HOXD12: variants seen among roughly 807,000 people sequenced by gnomAD.
HOXD12 encodes homeobox D12.
HOXD12 carries 21 observed loss-of-function variants against 20.2 expected under a neutral mutation model. The ratio of observed to expected loss-of-function variants is 1.04; its 90% CI spans 0.74 to 1.50. The LOEUF is 1.50. HOXD12 is among the 40% of genes most tolerant of loss of function. The probability of loss-of-function intolerance (pLI) is 0.00; values close to 1 mark genes in which losing one functional copy is unlikely to be tolerated. For synonymous variants in HOXD12, 196 were observed against 168.8 expected (o/e 1.16, Z -1.25); for missense variants, 472 against 365.5 (o/e 1.29, Z -2.38).
In HOXD12 at chr2:176,100,725, G is replaced by T. The variant is rs748239619; in HGVS notation, c.778G>T (p.Val260Leu). ...GAACAGGCGTATGAAGAAGAAGCGC[G>T]TGGTGCTTCGGGAGCAGGCGCTGGC... ...FQNRRMKKKRVVLREQALALY is the reference protein window; with the variant it reads ...FQNRRMKKKRLVLREQALALY Residue 260 changes from valine to leucine, a missense_variant, in exon 2 of 2, where the codon GTG becomes TTG. Val to Leu is a conservative substitution (Grantham distance 32, BLOSUM62 1). Transcript: ENST00000406506. 51 of 1,613,714 alleles carry T rather than the reference G, an allele frequency of 3.2e-5. No homozygotes were observed. The highest frequency in any genetic ancestry group is 8.5e-6 in the Non-Finnish European group (10 of 1,179,774).
chr2:176,100,708 G>C lies in HOXD12; in HGVS notation c.761G>C (p.Arg254Pro). 6.2e-7 allele frequency: 1 copy of C among 1,613,990 alleles called. No homozygotes were observed. The highest frequency in any genetic ancestry group is 1.3e-5 in the African/African-American group (1 of 75,080). ...GTCAAAATCTGGTTCCAGAACAGGCGTATGAAGAAGAAGCGCGTGGTGCTT... is the reference window on the plus strand; with the variant it reads ...GTCAAAATCTGGTTCCAGAACAGGCCTATGAAGAAGAAGCGCGTGGTGCTT... The part of the protein sequence containing the change: ...QQVKIWFQNR[R>P]MKKKRVVLRE... Residue 254 changes from arginine to proline, a missense_variant, in exon 2 of 2, where the codon CGT (arginine) becomes CCT (proline). Coordinates refer to ENST00000406506, the MANE Select transcript of HOXD12 (RefSeq NM_021193.4).
Position 176,099,885 on chromosome 2 carries a change from C to T in HOXD12, c.84C>T (p.Asn28=). 9 of 1,594,642 alleles carry T rather than the reference C, an allele frequency of 5.6e-6. No homozygotes were observed. Among genetic ancestry groups the T allele is most frequent in the South Asian group, 1.1e-5 (1 of 88,724 alleles). ...CGCCAGACTCTTTCTACTTCTCCAACCTGAGGCCGAATGGCGGCCAGTTGG... is the reference window on the plus strand; with the variant it reads ...CGCCAGACTCTTTCTACTTCTCCAATCTGAGGCCGAATGGCGGCCAGTTGG... ...LQSPDSFYFS[N]LRPNGGQLAA... Residue 28 remains asparagine, a synonymous_variant, in exon 1 of 2, where the codon AAC becomes AAT. Coordinates refer to ENST00000406506, the MANE Select transcript of HOXD12 (RefSeq NM_021193.4).
rs75185313 is a variant in HOXD12 at position 176,101,665 on chromosome 2, G to T, written c.*905G>T. Reference sequence around the variant, plus strand: ...TCTGCTTTGAAGCTCTGTTGCACAGGGAGAGGGAAAAATATCCAGGGGAGG... The same window carrying T: ...TCTGCTTTGAAGCTCTGTTGCACAGTGAGAGGGAAAAATATCCAGGGGAGG... On this transcript the variant is annotated 3_prime_UTR_variant, in exon 2 of 2. Transcript: ENST00000406506. Among the ~76,000 whole-genome samples the T allele has an allele frequency of 7.8e-3, 1,188 of 152,302 alleles. 16 individuals carry two copies. The highest frequency in any genetic ancestry group is 0.027 in the African/African-American group (1,108 of 41,556).
Position 176,099,929 on chromosome 2 carries a change from C to T in HOXD12, c.128C>T (p.Ser43Phe), listed in dbSNP as rs1373817873. Reference sequence around the variant, plus strand: ...CAGTTGGCCGCGCTTCCCCCTATCTCCTACCCGCGCGGCGCGCTGCCCTGG... The same window carrying T: ...CAGTTGGCCGCGCTTCCCCCTATCTTCTACCCGCGCGGCGCGCTGCCCTGG... ...GGQLAALPPISYPRGALPWAA... is the reference protein window; with the variant it reads ...GGQLAALPPIFYPRGALPWAA... Residue 43 changes from serine to phenylalanine, a missense_variant, in exon 1 of 2, where the codon TCC becomes TTC. Physicochemically the swap from Ser to Phe is radical, Grantham distance 155 (BLOSUM62 -2). Coordinates refer to ENST00000406506, the MANE Select transcript of HOXD12 (RefSeq NM_021193.4). 6.3e-7 allele frequency: 1 copy of T among 1,594,236 alleles called. No homozygotes were observed. Among genetic ancestry groups the T allele is most frequent in the Non-Finnish European group, 8.5e-7 (1 of 1,173,186 alleles).
rs756044524 is a variant in HOXD12, at chr2:176,100,690, T to C, written c.743T>C (p.Ile248Thr). The C allele has an allele frequency of 8.7e-6, 14 of 1,614,014 alleles. No individual in the cohort carries two copies. Among genetic ancestry groups the C allele is most frequent in the Non-Finnish European group, 1.2e-5 (14 of 1,179,882 alleles). The change falls in exon 2 of 2, where the codon ATC (isoleucine) becomes ACC (threonine). Residue 248 changes from isoleucine (I) to threonine (T), a missense_variant. Coordinates refer to ENST00000406506, the MANE Select transcript of HOXD12 (RefSeq NM_021193.4). ...RLNLSDQQVKIWFQNRRMKKK... is the reference protein window; with the variant it reads ...RLNLSDQQVKTWFQNRRMKKK... The stretch of plus-strand genomic sequence containing the variant: ...AACCTCAGCGACCAGCAAGTCAAAA[T>C]CTGGTTCCAGAACAGGCGTATGAAG...
rs963124517 is a variant in HOXD12, at chr2:176,100,052, G to A, written c.251G>A (p.Gly84Asp). 5.7e-6 allele frequency: 9 copies of A among 1,583,988 alleles called. No homozygotes were observed. The highest frequency in any genetic ancestry group is 1.1e-5 in the South Asian group (1 of 87,114). The change falls in exon 1 of 2, where the codon GGC becomes GAC. Residue 84 changes from glycine to aspartate, a missense_variant. By Grantham distance (94) the Gly-to-Asp change is moderately conservative (BLOSUM62 -1). Coordinates refer to ENST00000406506, the MANE Select transcript of HOXD12 (RefSeq NM_021193.4). ...QPYLAGSGPL[G>D]LQPPTAKDGP... The stretch of plus-strand genomic sequence containing the variant: ...TACCTGGCTGGCTCCGGGCCTCTCG[G>A]CCTGCAGCCCCCAACAGCCAAAGAC...
At chr2:176,100,495 T>C in intron 1 of HOXD12, 27 bp from the exon 2 acceptor site, 2 of 1,589,978 alleles carry the variant, frequency 1.3e-6, no homozygotes, top group South Asian at 1.1e-5. Flanking sequence ...ACGGGCTGGG[T>C]TGACGTGGGT....
rs1004629278 is a variant in HOXD12 at position 176,100,975 on chromosome 2, A to C, written c.*215A>C. On this transcript the variant is annotated 3_prime_UTR_variant, in exon 2 of 2. Coordinates refer to ENST00000406506, the MANE Select transcript of HOXD12 (RefSeq NM_021193.4). ...GAGAAACGTGCGGAAGTACCAGTGC[A>C]ACTCTGGCTGGCCTTAAGGCTTCCA... 4.9e-5 allele frequency: 29 copies of C among 595,564 alleles called. No individual in the cohort carries two copies. The highest frequency in any genetic ancestry group is 8.0e-5 in the Non-Finnish European group (27 of 335,758). The allele number at this position is 595,564 out of a possible 1,614,324, so 36.9% of individuals were successfully genotyped here. A position where few individuals can be genotyped will look rare whatever the true frequency, so the allele number is the denominator to read the frequency against.
chr2:176,100,131 G>A lies in HOXD12; in HGVS notation c.330G>A (p.Glu110=), dbSNP rs1451149656. Residue 110 remains glutamate, a synonymous_variant, in exon 1 of 2, where the codon GAG becomes GAA. Transcript: ENST00000406506. ...FYAPEAAAGP[E]ERGRTRPSFA... ...CGCCCGAAGCGGCCGCTGGGCCAGA[G>A]GAGCGCGGTCGTACCCGGCCGTCCT... The A allele has an allele frequency of 2.5e-6, 4 of 1,610,776 alleles. No homozygotes were observed. Among genetic ancestry groups the A allele is most frequent in the East Asian group, 2.2e-5 (1 of 44,848 alleles).
rs201890634 is a variant in HOXD12, at chr2:176,100,609, T to A, written c.662T>A (p.Phe221Tyr). ...KQQIAELENEFLVNEFINRQK... is the reference protein window; with the variant it reads ...KQQIAELENEYLVNEFINRQK... ...CAGATTGCGGAGTTGGAGAACGAAT[T>A]CCTCGTCAACGAATTCATCAACAGG... Residue 221 changes from phenylalanine to tyrosine, a missense_variant, in exon 2 of 2, where the codon TTC (phenylalanine) becomes TAC (tyrosine). By Grantham distance (22) the Phe-to-Tyr change is conservative. Coordinates refer to ENST00000406506, the MANE Select transcript of HOXD12 (RefSeq NM_021193.4). 577 of 1,613,386 alleles carry A rather than the reference T, an allele frequency of 3.6e-4. No homozygotes were observed. The highest frequency in any genetic ancestry group is 1.5e-3 in the African/African-American group (110 of 75,054).
In HOXD12 at chr2:176,100,200, A is replaced by C; in HGVS notation, c.399A>C (p.Lys133Asn). The C allele has an allele frequency of 6.2e-7, 1 of 1,612,226 alleles. No homozygotes were observed. The highest frequency in any genetic ancestry group is 8.5e-7 in the Non-Finnish European group (1 of 1,179,766). ...SSLAPAVAALKAAKYDYAGVG... is the reference protein window; with the variant it reads ...SSLAPAVAALNAAKYDYAGVG... ...TGGCTCCTGCAGTGGCTGCTCTCAAAGCGGCCAAGTATGACTACGCTGGTG... is the reference window on the plus strand; with the variant it reads ...TGGCTCCTGCAGTGGCTGCTCTCAACGCGGCCAAGTATGACTACGCTGGTG... The change falls in exon 1 of 2, where the codon AAA becomes AAC. Residue 133 changes from lysine (K) to asparagine (N), a missense_variant. By Grantham distance (94) the Lys-to-Asn change is moderately conservative. Transcript: ENST00000406506.
In HOXD12 at chr2:176,102,049, A is replaced by C. The variant is rs1559111735; in HGVS notation, c.*1289A>C. Reference sequence around the variant, plus strand: ...CCTGCCAGGCTTGCCTCATGGAGGCAGGGGTTCCCAAATGCCAGGTGGAGT... The same window carrying C: ...CCTGCCAGGCTTGCCTCATGGAGGCCGGGGTTCCCAAATGCCAGGTGGAGT... On this transcript the variant is annotated 3_prime_UTR_variant, in exon 2 of 2. Coordinates refer to ENST00000406506, the MANE Select transcript of HOXD12 (RefSeq NM_021193.4). Among the ~76,000 whole-genome samples the C allele has an allele frequency of 6.6e-6, 1 of 152,210 alleles. No homozygotes were observed. The highest frequency in any genetic ancestry group is 2.4e-5 in the African/African-American group (1 of 41,456).
In HOXD12 at chr2:176,101,057, G is replaced by C. The variant is rs1263720502; in HGVS notation, c.*297G>C. On this transcript the variant is annotated 3_prime_UTR_variant, in exon 2 of 2. Coordinates refer to ENST00000406506, the MANE Select transcript of HOXD12 (RefSeq NM_021193.4). ...CCTGGCTGGGGCATTTGCACCCACC[G>C]CTCATTCTTGCTCCCCGGTACCTGG... is the stretch of plus-strand genomic sequence containing the variant. The C allele has an allele frequency of 1.6e-5, 8 of 490,784 alleles. No homozygotes were observed. Among genetic ancestry groups the C allele is most frequent in the Non-Finnish European group, 2.9e-5 (8 of 276,304 alleles). The allele number at this position is 490,784 out of a possible 1,614,324, so 30.4% of individuals were successfully genotyped here.
rs1344619575 is a variant in HOXD12, at chr2:176,100,539, GC to G, written c.596del (p.Pro199ArgfsTer41). On this transcript the variant is annotated frameshift_variant, in exon 2 of 2. Transcript: ENST00000406506. LOFTEE classifies it high-confidence loss of function. ...TGTTGCAGGCCTGCCGTGGGGGGCGGCCCCGGGGAGGGCCCGCAAGAAGCGG... is the reference window on the plus strand; with the variant it reads ...TGTTGCAGGCCTGCCGTGGGGGGCGGCCCGGGGAGGGCCCGCAAGAAGCGG... The part of the protein sequence containing the change: ...SLPDGLPWGA[A>X]PGRARKKRKP... 2 of 1,606,776 alleles carry G rather than the reference GC, an allele frequency of 1.2e-6. No individual in the cohort carries two copies. Among genetic ancestry groups the G allele is most frequent in the Admixed American group, 1.7e-5 (1 of 58,830 alleles).
Position 176,100,741 on chromosome 2 carries a change from AG to A in HOXD12, c.796del (p.Ala266ArgfsTer83). ...AAGAAGCGCGTGGTGCTTCGGGAGC[AG>A]GCGCTGGCGCTCTACTAGCCGCGCG... ...MKKKRVVLRE[Q>X]ALALY is the part of the protein sequence containing the mutation. On this transcript the variant is annotated frameshift_variant, in exon 2 of 2. Transcript: ENST00000406506. LOFTEE classifies it high-confidence loss of function. 6.2e-7 allele frequency: 1 copy of A among 1,613,490 alleles called. No homozygotes were observed. The highest frequency in any genetic ancestry group is 8.5e-7 in the Non-Finnish European group (1 of 1,179,612).
intron 1 of HOXD12, 63 bp from the exon 2 acceptor site, chr2:176,100,459 G>T (rs754955542): frequency 7.2e-5 from 115 of 1,589,838 alleles, no homozygotes; most frequent in Non-Finnish European, 9.8e-5. Context: ...GAGGTGAACC[G>T]CCTGGGGGCG....
chr2:176,100,014 C>T lies in HOXD12; in HGVS notation c.213C>T (p.Gly71=). 6.4e-7 allele frequency: 1 copy of T among 1,562,356 alleles called. No individual in the cohort carries two copies. The highest frequency in any genetic ancestry group is 8.7e-7 in the Non-Finnish European group (1 of 1,153,404). ...CTGCGGGCGCCACTGCCTTCGGCGG[C>T]TTCTCGCAGCCCTACCTGGCTGGCT... ...AQPAGATAFG[G]FSQPYLAGSG... The change falls in exon 1 of 2, where the codon GGC becomes GGT. Residue 71 remains glycine, a synonymous_variant. Coordinates refer to ENST00000406506, the MANE Select transcript of HOXD12 (RefSeq NM_021193.4).
chr2:176,100,326 A>T lies in HOXD12; in HGVS notation c.525A>T (p.Thr175=). ...DTKGPLNLNM[T]VQAAGVASCL... ...AGGGCCCGCTCAACTTGAACATGACAGTGCAGGCGGCGGGCGTTGCCTCTT... is the reference window on the plus strand; with the variant it reads ...AGGGCCCGCTCAACTTGAACATGACTGTGCAGGCGGCGGGCGTTGCCTCTT... Residue 175 remains threonine (T), a synonymous_variant, in exon 1 of 2, where the codon ACA becomes ACT. Coordinates refer to ENST00000406506, the MANE Select transcript of HOXD12 (RefSeq NM_021193.4). 1 of 1,612,684 alleles carries T rather than the reference A, an allele frequency of 6.2e-7. No homozygotes were observed. Among genetic ancestry groups the T allele is most frequent in the South Asian group, 1.1e-5 (1 of 91,082 alleles).
chr2:176,099,962 CG>C lies in HOXD12; in HGVS notation c.162del (p.Ala56ProfsTer117), dbSNP rs1689464729. On this transcript the variant is annotated frameshift_variant, in exon 1 of 2. Transcript: ENST00000406506. LOFTEE classifies it high-confidence loss of function. ...CGCGGCGCGCTGCCCTGGGCCGCCA[CG>C]CCCGCCTCCTGCGCCCCCGCGCAGC... ...YPRGALPWAA[T>X]PASCAPAQPA... 3.1e-6 allele frequency: 5 copies of C among 1,598,236 alleles called. No homozygotes were observed. The highest frequency in any genetic ancestry group is 4.3e-6 in the Non-Finnish European group (5 of 1,174,352).
Sources: allele counts gnomAD v4.1 joint callset (sites outside exome capture counted in the v4.1 genomes callset), GRCh38; gene constraint gnomAD v4.1.1; transcripts MANE v1.5; gene names NCBI Gene and HGNC (gene_info 2026-07-23, HGNC 2026-07-21).